Variants in EPS15 observed in about 807,000 individuals in gnomAD.
The protein encoded by EPS15 is epidermal growth factor receptor pathway substrate 15, also known as epidermal growth factor receptor substrate 15.
Under a neutral mutation model 113.8 loss-of-function variants are expected in EPS15, and 72 were observed. That is an observed-to-expected ratio of 0.63 (90% CI 0.52 to 0.77). The LOEUF is 0.77. Ranked by LOEUF, EPS15 falls within the 30% of genes least tolerant of loss-of-function variation. The pLI is 0.00. For missense variants in EPS15, 1,048 were observed against 1,045.8 expected (o/e 1.00, Z -0.03); for synonymous variants, 344 against 363.4 (o/e 0.95, Z 0.61).
At chr1:51,360,111 C>A (rs1040576379) in intron 24 of EPS15, among the ~76,000 whole-genome samples, 2 of 152,092 alleles carry the variant, frequency 1.3e-5, no homozygotes, top group African/African-American at 2.4e-5. Flanking sequence ...TGACTACCTC[C>A]CTTCTAACTA....
intron 14 of EPS15, among the ~76,000 whole-genome samples, chr1:51,409,320 AT>A (rs1344165227): frequency 1.3e-5 from 2 of 152,172 alleles, no homozygotes; most frequent in Admixed American, 1.3e-4. Flanking sequence ...TCCAACAAAA[AT>A]TTGGAAAAAC....
chr1:51,423,593 A>G, intron 12 of EPS15: 3 of 985,432 alleles, frequency 3.0e-6, no homozygotes, highest in Non-Finnish European at 3.6e-6. Flanking sequence ...GGTTTCTGAA[A>G]GTAGATAATA....
At position 51,385,900 on chromosome 1, in the gene EPS15, T is replaced by C. The variant is rs149759002; in HGVS notation, c.2119+8481A>G. 3.5e-3 allele frequency among the ~76,000 whole-genome samples: 526 copies of C among 152,304 alleles called. 6 individuals are homozygous for C. Among genetic ancestry groups the C allele is most frequent in the Admixed American group, 0.026 (395 of 15,288 alleles). ...TGAGAGGGAGGATAGGGAGTTATTA[T>C]TTAATGGATACAGAATTTCAGTTCT... On this transcript the variant is annotated intron_variant, in intron 21 of 24. Transcript: ENST00000371733.
At chr1:51,371,326 G>A (rs1435509447) in intron 21 of EPS15, among the ~76,000 whole-genome samples, 3 of 152,180 alleles carry the variant, frequency 2.0e-5, no homozygotes, top group African/African-American at 7.2e-5. Context: ...GTTATCGTAA[G>A]AGATGACAGC....
intron 21 of EPS15, among the ~76,000 whole-genome samples, chr1:51,374,328 A>T (rs1044733712): frequency 1.3e-5 from 2 of 152,224 alleles, no homozygotes; most frequent in African/African-American, 4.8e-5. Context: ...GTAGAAAGTA[A>T]GTATCCTGCC....
chr1:51,487,142 A>T (rs913200269), intron 1 of EPS15, among the ~76,000 whole-genome samples: 1 of 152,188 alleles, frequency 6.6e-6, no homozygotes, highest in African/African-American at 2.4e-5. Context: ...ATAAAATGTA[A>T]CTCTGCAAAA....
chr1:51,497,413 G>C (rs1415652363), intron 1 of EPS15, among the ~76,000 whole-genome samples: 2 of 152,194 alleles, frequency 1.3e-5, no homozygotes, highest in Non-Finnish European at 2.9e-5. Flanking sequence ...TCACAAAAAA[G>C]TTAATCATGA....
intron 21 of EPS15, chr1:51,372,144 ACCTG>A (rs1646671479): frequency 5.4e-6 from 2 of 372,684 alleles, no homozygotes; most frequent in South Asian, 4.1e-5. Flanking sequence ...ATAAATTCAT[ACCTG>A]CCCATGCACA....
intron 7 of EPS15, 143 bp from the exon 8 acceptor site, chr1:51,461,293 G>C: frequency 3.2e-6 from 2 of 627,598 alleles, no homozygotes. Flanking sequence ...AAGGCAGGAG[G>C]ATCACTTCAG....
intron 3 of EPS15, among the ~76,000 whole-genome samples, chr1:51,471,992 T>C (rs1262411003): frequency 6.6e-6 from 1 of 151,696 alleles, no homozygotes; most frequent in Non-Finnish European, 1.5e-5. Context: ...TAAGAAATTA[T>C]GAGGGTTCTT....
chr1:51,395,072 G>C (rs1647793908), intron 20 of EPS15, among the ~76,000 whole-genome samples: 1 of 152,036 alleles, frequency 6.6e-6, no homozygotes, highest in Admixed American at 6.6e-5. Context: ...GTCTTGCTAT[G>C]TTTTCCTCAA....
At chr1:51,402,747 A>ACC (rs1489782388) in intron 17 of EPS15, among the ~76,000 whole-genome samples, 2 of 152,032 alleles carry the variant, frequency 1.3e-5, no homozygotes, top group African/African-American at 4.8e-5. Context: ...AAATGGTGAA[A>ACC]CCCCGTCTCT....
chr1:51,416,372 T>C (rs375881618), intron 13 of EPS15, among the ~76,000 whole-genome samples: 2 of 152,160 alleles, frequency 1.3e-5, no homozygotes, highest in Non-Finnish European at 2.9e-5. Flanking sequence ...GAAAGGAAGA[T>C]AGCAGCAGCT....
intron 16 of EPS15, among the ~76,000 whole-genome samples, chr1:51,404,160 C>A (rs1648866368): frequency 6.6e-6 from 1 of 152,128 alleles, no homozygotes; most frequent in East Asian, 1.9e-4. Context: ...TCCTGGCTAA[C>A]ACGGTGAAAC....
chr1:51,513,159 A>T (rs1023365682), intron 1 of EPS15, among the ~76,000 whole-genome samples: 8 of 152,172 alleles, frequency 5.3e-5, no homozygotes, highest in African/African-American at 1.7e-4. Context: ...GCAGATTAAA[A>T]GTATCCTCTG....
chr1:51,379,542 T>C (rs1646887525), intron 21 of EPS15, among the ~76,000 whole-genome samples: 1 of 152,214 alleles, frequency 6.6e-6, no homozygotes, highest in South Asian at 2.1e-4. Context: ...TAAACTGTCC[T>C]TCACAAACAA....
intron 12 of EPS15, among the ~76,000 whole-genome samples, chr1:51,424,371 C>A (rs1651027671): frequency 6.6e-6 from 1 of 152,134 alleles, no homozygotes; most frequent in African/African-American, 2.4e-5. Context: ...CTAAACATAT[C>A]TTTGTGTGCA....
At position 51,444,873 on chromosome 1, in the gene EPS15, T is replaced by C; in HGVS notation, c.954+16A>G. 6.2e-7 allele frequency: 1 copy of C among 1,608,010 alleles called. No individual in the cohort carries two copies. Among genetic ancestry groups the C allele is most frequent in the Non-Finnish European group, 8.5e-7 (1 of 1,176,824 alleles). ...TTGAAATTAATACATTCAGGTTTCC[T>C]TTTAAGCTTTCTTACCTTTTGTAAA... is the stretch of plus-strand genomic sequence containing the variant. On this transcript the variant is annotated intron_variant, in intron 11 of 24. Transcript: ENST00000371733.
At chr1:51,452,075 T>C (rs1192515616) in intron 8 of EPS15, among the ~76,000 whole-genome samples, 3 of 151,472 alleles carry the variant, frequency 2.0e-5, no homozygotes, top group Non-Finnish European at 4.4e-5. Flanking sequence ...GAGATGAGGA[T>C]TAGCCATGTT....
Sources: gnomAD v4.1 joint callset for allele counts (sites outside exome capture counted in the v4.1 genomes callset) on GRCh38, gnomAD v4.1.1 for gene constraint, MANE v1.5 for transcripts, NCBI Gene and HGNC (gene_info 2026-07-23, HGNC 2026-07-21) for gene names.